CTHRC1: variants seen among roughly 807,000 people sequenced by gnomAD.
The protein encoded by CTHRC1 is collagen triple helix repeat containing 1.
In CTHRC1, 21 loss-of-function variants were observed where a neutral mutation model predicts 25.9. The ratio of observed to expected loss-of-function variants is 0.81; its 90% CI spans 0.57 to 1.17. The LOEUF (loss-of-function observed/expected upper bound fraction) is 1.17. Among genes scored for constraint, CTHRC1 ranks in the 50% most tolerant of loss-of-function variants. CTHRC1 has a pLI of 0.00. For synonymous variants in CTHRC1, 109 were observed against 113.1 expected (o/e 0.96, Z 0.23); for missense variants, 281 against 304.3 (o/e 0.92, Z 0.57).
intron 1 of CTHRC1, among the ~76,000 whole-genome samples, chr8:103,373,122 T>C (rs919916516): frequency 2.0e-5 from 3 of 152,184 alleles, no homozygotes; most frequent in Non-Finnish European, 4.4e-5. Context: ...TATGAGTCTG[T>C]AGTTATGATA....
chr8:103,376,141 T>G, intron 2 of CTHRC1, 182 bp downstream of exon 2: 1 of 632,350 alleles, frequency 1.6e-6, no homozygotes, highest in Non-Finnish European at 2.8e-6. Context: ...TTCATAGAGA[T>G]ATTTCTAAGA....
At chr8:103,377,917 T>A (rs1224510203) in intron 2 of CTHRC1, 110 bp from the exon 3 acceptor site, 13 of 1,004,660 alleles carry the variant, frequency 1.3e-5, no homozygotes, top group Admixed American at 1.1e-4. Context: ...TTAAACTTTT[T>A]AAATACATTT....
chr8:103,376,193 C>G, intron 2 of CTHRC1: 1 of 586,366 alleles, frequency 1.7e-6, no homozygotes. Context: ...AAATAACATA[C>G]TTTTTAAAAA....
intron 2 of CTHRC1, among the ~76,000 whole-genome samples, chr8:103,377,492 C>T (rs371102040): frequency 8.5e-5 from 13 of 152,240 alleles, no homozygotes; most frequent in African/African-American, 2.4e-4. Context: ...CTCAATGGGG[C>T]GAAAAGTTCT....
intron 3 of CTHRC1, among the ~76,000 whole-genome samples, chr8:103,380,089 T>C (rs1487785923): frequency 2.6e-5 from 4 of 152,192 alleles, no homozygotes; most frequent in Non-Finnish European, 5.9e-5. Context: ...GTGCTTCCCA[T>C]CTAAGAAATA....
chr8:103,375,392 G>C (rs1440057230), intron 1 of CTHRC1, among the ~76,000 whole-genome samples: 1 of 152,112 alleles, frequency 6.6e-6, no homozygotes, highest in Non-Finnish European at 1.5e-5. Context: ...AAGATACAGA[G>C]TTAGAAGAAA....
At chr8:103,377,162 A>T (rs751303875) in intron 2 of CTHRC1, 2 of 152,262 alleles carry the variant, frequency 1.3e-5, no homozygotes, top group African/African-American at 2.4e-5. Flanking sequence ...TGAGAAAATA[A>T]GCAAACAAGA....
chr8:103,374,475 T>C (rs1815769673), intron 1 of CTHRC1, among the ~76,000 whole-genome samples: 1 of 152,208 alleles, frequency 6.6e-6, no homozygotes, highest in African/African-American at 2.4e-5. Context: ...CCTTTGTTCC[T>C]AGCTGAACCA....
At chr8:103,377,717 T>A (rs1202992169) in intron 2 of CTHRC1, among the ~76,000 whole-genome samples, 1 of 152,146 alleles carries the variant, frequency 6.6e-6, no homozygotes, top group Non-Finnish European at 1.5e-5. Context: ...GATTCTCACG[T>A]CTCAGCCTCC....
intron 3 of CTHRC1, among the ~76,000 whole-genome samples, chr8:103,379,773 T>C (rs572134701): frequency 6.6e-5 from 10 of 152,334 alleles, no homozygotes; most frequent in African/African-American, 2.2e-4. Context: ...CATTTCAGCA[T>C]TCTTTAGGGC....
chr8:103,371,673 C>T lies in CTHRC1; in HGVS notation c.17C>T (p.Pro6Leu), dbSNP rs768079876. ...CCGGGAGCCATGCGACCCCAGGGCC[C>T]CGCCGCCTCCCCGCAGCGGCTCCGC... is the stretch of plus-strand genomic sequence containing the variant. MRPQG[P>L]AASPQRLRGL... is the part of the protein sequence containing the mutation. Residue 6 changes from proline to leucine, a missense_variant, in exon 1 of 4, where the codon CCC (proline) becomes CTC (leucine). Pro to Leu is a moderately conservative substitution (Grantham distance 98). Coordinates refer to ENST00000330295, the MANE Select transcript of CTHRC1 (RefSeq NM_138455.4). 184 of 1,534,094 alleles carry T rather than the reference C, an allele frequency of 1.2e-4. No individual in the cohort carries two copies. Among genetic ancestry groups the T allele is most frequent in the Non-Finnish European group, 1.6e-4 (179 of 1,141,404 alleles).
At chr8:103,381,409 A>T (rs1425403812) in intron 3 of CTHRC1, among the ~76,000 whole-genome samples, 1 of 152,066 alleles carries the variant, frequency 6.6e-6, no homozygotes, top group Non-Finnish European at 1.5e-5. Flanking sequence ...CTCCAGCTTT[A>T]CACATACATC....
chr8:103,378,885 A>G (rs967008257), intron 3 of CTHRC1, among the ~76,000 whole-genome samples: 1 of 152,024 alleles, frequency 6.6e-6, no homozygotes, highest in Non-Finnish European at 1.5e-5. Context: ...CCCAACTACT[A>G]TGGAGGCTGA....
At chr8:103,377,660 G>A (rs1815827501) in intron 2 of CTHRC1, among the ~76,000 whole-genome samples, 1 of 152,178 alleles carries the variant, frequency 6.6e-6, no homozygotes, top group Admixed American at 6.5e-5. Flanking sequence ...CTAAAGTGCA[G>A]TGGCACAATT....
chr8:103,378,326 A>G, intron 3 of CTHRC1, 83 bp downstream of exon 3: 2 of 1,128,718 alleles, frequency 1.8e-6, no homozygotes, highest in Non-Finnish European at 2.6e-6. Flanking sequence ...TTGGTTCACT[A>G]GCCTACTGTA....
At chr8:103,377,972 CTT>C in intron 2 of CTHRC1, 53 bp from the exon 3 acceptor site, 1 of 1,423,872 alleles carries the variant, frequency 7.0e-7, no homozygotes, top group African/African-American at 1.4e-5. Flanking sequence ...CTCAAAAGCT[CTT>C]TTTAATTAAA....
Position 103,371,561 on chromosome 8 carries a change from C to G in CTHRC1, c.-96C>G. On this transcript the variant is annotated 5_prime_UTR_variant, in exon 1 of 4. Coordinates refer to ENST00000330295, the MANE Select transcript of CTHRC1 (RefSeq NM_138455.4). ...GTGAAAGGCGCATTGATGCAGCCTG[C>G]GGCGGCCTCGGAGCGCGGCGGAGCC... The G allele has an allele frequency of 7.5e-7, 1 of 1,338,438 alleles. No individual in the cohort carries two copies. The highest frequency in any genetic ancestry group is 1.0e-6 in the Non-Finnish European group (1 of 987,648). 82.9% of individuals were successfully genotyped at this position (1,338,438 alleles called of 1,614,324 possible). A position where few individuals can be genotyped will look rare whatever the true frequency, so the allele number is the denominator to read the frequency against.
chr8:103,372,450 A>T (rs1263965562), intron 1 of CTHRC1: 1 of 1,544,322 alleles, frequency 6.5e-7, no homozygotes, highest in Non-Finnish European at 8.7e-7. Context: ...TTAAGGCCGG[A>T]AAGGGAAATG....
Position 103,372,779 on chromosome 8 carries a change from A to T in CTHRC1, c.150+973A>T, listed in dbSNP as rs1815732058. The T allele has an allele frequency of 1.2e-5, 8 of 684,292 alleles. No individual in the cohort carries two copies. In the South Asian group the frequency reaches 1.7e-4, roughly 15 times the overall value. The allele number at this position is 684,292 out of a possible 1,614,324, so 42.4% of individuals were successfully genotyped here. A position where few individuals can be genotyped will look rare whatever the true frequency, so the allele number is the denominator to read the frequency against. ...GCTACCGTAGTCCTTGGCATATTAT[A>T]AACTTCAGTCTCACTTGCAGACAAA... On this transcript the variant is annotated intron_variant, in intron 1 of 3. Coordinates refer to ENST00000330295, the MANE Select transcript of CTHRC1 (RefSeq NM_138455.4).
Sources: allele counts gnomAD v4.1 joint callset (sites outside exome capture counted in the v4.1 genomes callset), GRCh38; gene constraint gnomAD v4.1.1; transcripts MANE v1.5; gene names NCBI Gene and HGNC (gene_info 2026-07-23, HGNC 2026-07-21).